PTPRD: variants seen among roughly 807,000 people sequenced by gnomAD.
PTPRD encodes protein tyrosine phosphatase receptor type D.
Under a neutral mutation model 214.5 loss-of-function variants are expected in PTPRD, and 34 were observed. The observed-to-expected ratio is 0.16, with a 90% CI of 0.12 to 0.21. The LOEUF (loss-of-function observed/expected upper bound fraction) is 0.21. Ranked by LOEUF, PTPRD falls within the 10% of genes least tolerant of loss-of-function variation. PTPRD has a pLI of 1.00. For synonymous variants in PTPRD, 1,128 were observed against 845.7 expected (o/e 1.33, Z -5.79); for missense variants, 2,545 against 2,398.7 (o/e 1.06, Z -1.27).
At chr9:9,779,787 T>A (rs151096028) in intron 5 of PTPRD, among the ~76,000 whole-genome samples, 2 of 152,324 alleles carry the variant, frequency 1.3e-5, no homozygotes, top group East Asian at 3.9e-4. Flanking sequence ...TTCTCCACAG[T>A]CTTACCAGCT....
chr9:9,661,304 C>T (rs1244236657), intron 7 of PTPRD, among the ~76,000 whole-genome samples: 1 of 151,880 alleles, frequency 6.6e-6, no homozygotes, highest in Non-Finnish European at 1.5e-5. Flanking sequence ...AAAGTAATAT[C>T]TTAACAATCA....
chr9:9,961,823 C>A (rs1247133372), intron 4 of PTPRD, among the ~76,000 whole-genome samples: 1 of 152,036 alleles, frequency 6.6e-6, no homozygotes, highest in Non-Finnish European at 1.5e-5. Context: ...CATTAAAATG[C>A]AAAACATAGT....
intron 11 of PTPRD, among the ~76,000 whole-genome samples, chr9:8,892,899 T>A (rs1466190739): frequency 6.6e-6 from 1 of 151,856 alleles, no homozygotes; most frequent in African/African-American, 2.4e-5. Context: ...AGTATAGGCA[T>A]GAAGTCTATG....
intron 3 of PTPRD, among the ~76,000 whole-genome samples, chr9:10,318,865 G>C (rs1382878868): frequency 6.6e-6 from 1 of 152,022 alleles, no homozygotes; most frequent in Non-Finnish European, 1.5e-5. Flanking sequence ...ATGTTTCCTT[G>C]TCAGGCATTG....
At chr9:10,468,582 G>C (rs1588881868) in intron 2 of PTPRD, among the ~76,000 whole-genome samples, 1 of 152,112 alleles carries the variant, frequency 6.6e-6, no homozygotes, top group East Asian at 1.9e-4. Flanking sequence ...AACCACCATG[G>C]CACATGTATA....
chr9:8,948,457 A>T lies in PTPRD; in HGVS notation c.-104+70240T>A, dbSNP rs1449263579. Among the ~76,000 whole-genome samples the T allele has an allele frequency of 2.3e-4, 3 of 13,144 alleles. 1 individual carries two copies. Among genetic ancestry groups the T allele is most frequent in the Non-Finnish European group, 5.5e-4 (3 of 5,436 alleles). 8.6% of individuals were successfully genotyped at this position (13,144 alleles called of 152,430 possible). On this transcript the variant is annotated intron_variant, in intron 11 of 45. Coordinates refer to ENST00000381196, the MANE Select transcript of PTPRD (RefSeq NM_002839.4). ...TATATTTACATATATATATATTTAT[A>T]TATATATTTACATATATATATATTT...
At chr9:10,055,314 G>T (rs993043306) in intron 3 of PTPRD, among the ~76,000 whole-genome samples, 1 of 152,044 alleles carries the variant, frequency 6.6e-6, no homozygotes, top group Non-Finnish European at 1.5e-5. Context: ...TTAAAGTAAT[G>T]GAGTTTACAA....
intron 9 of PTPRD, among the ~76,000 whole-genome samples, chr9:9,228,900 G>C (rs1337022464): frequency 1.3e-5 from 2 of 152,030 alleles, no homozygotes; most frequent in Non-Finnish European, 2.9e-5. Context: ...TACTTAAAAA[G>C]TATGTGAAGT....
At chr9:9,726,793 A>C (rs2098101850) in intron 7 of PTPRD, among the ~76,000 whole-genome samples, 1 of 152,210 alleles carries the variant, frequency 6.6e-6, no homozygotes, top group Non-Finnish European at 1.5e-5. Flanking sequence ...CAAAGTGGAA[A>C]TATTCTCTTA....
At chr9:9,507,030 T>C (rs1025032462) in intron 8 of PTPRD, among the ~76,000 whole-genome samples, 3 of 151,472 alleles carry the variant, frequency 2.0e-5, no homozygotes, top group African/African-American at 7.3e-5. Flanking sequence ...TCCAAAGACA[T>C]TCAAACAATA....
chr9:10,168,369 G>T (rs1040704895), intron 3 of PTPRD, among the ~76,000 whole-genome samples: 5 of 146,832 alleles, frequency 3.4e-5, no homozygotes, highest in African/African-American at 1.3e-4. Context: ...AGGTAGTGCT[G>T]CTTAAAATGT....
intron 8 of PTPRD, among the ~76,000 whole-genome samples, chr9:9,483,739 C>G (rs543164938): frequency 5.3e-5 from 8 of 151,202 alleles, no homozygotes; most frequent in African/African-American, 1.9e-4. Context: ...ATTTCCTGGG[C>G]TCATGGTGTT....
At chr9:9,080,214 TC>T (rs1420626789) in intron 10 of PTPRD, among the ~76,000 whole-genome samples, 5 of 152,094 alleles carry the variant, frequency 3.3e-5, no homozygotes, top group African/African-American at 1.2e-4. Flanking sequence ...ATACAACTTA[TC>T]CAAGTTTACA....
At chr9:8,676,851 G>A (rs2097430826) in intron 12 of PTPRD, among the ~76,000 whole-genome samples, 1 of 152,210 alleles carries the variant, frequency 6.6e-6, no homozygotes, top group South Asian at 2.1e-4. Context: ...TGGGACTGCA[G>A]GCGTGAGCCA....
intron 10 of PTPRD, among the ~76,000 whole-genome samples, chr9:9,179,564 A>G (rs1593016672): frequency 6.6e-6 from 1 of 152,094 alleles, no homozygotes. Flanking sequence ...AACATTCTCA[A>G]TCAGCCATTG....
chr9:9,636,496 A>G (rs543668739), intron 7 of PTPRD, among the ~76,000 whole-genome samples: 1 of 147,298 alleles, frequency 6.8e-6, no homozygotes, highest in East Asian at 1.9e-4. Flanking sequence ...ATATAGATAT[A>G]CACATACACA....
At chr9:8,752,088 G>A (rs1187151527) in intron 11 of PTPRD, among the ~76,000 whole-genome samples, 1 of 152,174 alleles carries the variant, frequency 6.6e-6, no homozygotes, top group Non-Finnish European at 1.5e-5. Flanking sequence ...TGTCAGAGAT[G>A]TGTGAACCAG....
chr9:10,190,029 G>C (rs2099355508), intron 3 of PTPRD, among the ~76,000 whole-genome samples: 1 of 152,080 alleles, frequency 6.6e-6, no homozygotes, highest in Non-Finnish European at 1.5e-5. Flanking sequence ...TTCTGTTAAA[G>C]AGTTGAGCTC....
At chr9:8,890,697 TGAGA>T (rs1380042438) in intron 11 of PTPRD, among the ~76,000 whole-genome samples, 1 of 152,220 alleles carries the variant, frequency 6.6e-6, no homozygotes, top group Non-Finnish European at 1.5e-5. Flanking sequence ...TTCTCTCCTT[TGAGA>T]GAGTCTTGTC....
Sources: allele counts gnomAD v4.1 joint callset (sites outside exome capture counted in the v4.1 genomes callset), GRCh38; gene constraint gnomAD v4.1.1; transcripts MANE v1.5; gene names NCBI Gene and HGNC (gene_info 2026-07-23, HGNC 2026-07-21).